IGLL5: variants seen among roughly 807,000 people sequenced by gnomAD.
IGLL5 encodes immunoglobulin lambda like polypeptide 5.
In IGLL5, 30 loss-of-function variants were observed where a neutral mutation model predicts 20.9. The observed-to-expected ratio is 1.44, with a 90% CI of 1.07 to 1.95. The LOEUF (loss-of-function observed/expected upper bound fraction) is 1.95. IGLL5 is among the 30% of genes most tolerant of loss of function. The pLI, the probability that IGLL5 is intolerant of heterozygous loss-of-function variation, is 0.00. For synonymous variants in IGLL5, 203 were observed against 117.3 expected (o/e 1.73, Z -4.72); for missense variants, 475 against 270.7 (o/e 1.75, Z -5.30).
chr22:22,888,623 T>C (rs2067623660), intron 1 of IGLL5, among the ~76,000 whole-genome samples: 3 of 151,276 alleles, frequency 2.0e-5, no homozygotes, highest in South Asian at 2.1e-4. Flanking sequence ...TGCCCAGGCC[T>C]GTTCCTCCCC....
rs1483262314 is a variant in IGLL5, at chr22:22,895,897, G to C, written c.*203G>C. On this transcript the variant is annotated 3_prime_UTR_variant, in exon 3 of 3. Coordinates refer to ENST00000526893, the MANE Select transcript of IGLL5 (RefSeq NM_001178126.2). ...TAGCCTCCCCGGGGTTCTCAGTGTGGGGTACAGGGAATTCTGCACCCAGTG... is the reference window on the plus strand; with the variant it reads ...TAGCCTCCCCGGGGTTCTCAGTGTGCGGTACAGGGAATTCTGCACCCAGTG... 7.9e-6 allele frequency: 5 copies of C among 634,448 alleles called. No individual in the cohort carries two copies. The highest frequency in any genetic ancestry group is 1.4e-5 in the Non-Finnish European group (5 of 357,730). 39.3% of individuals were successfully genotyped at this position (634,448 alleles called of 1,614,324 possible).
chr22:22,894,063 C>T lies in IGLL5; in HGVS notation c.325+245C>T, dbSNP rs551580542. Reference sequence around the variant, plus strand: ...GAGCTGGGATTGGGCAGGGTCAGGGCTCCTCCTCTCTTCCAGGGCAGATGT... The same window carrying T: ...GAGCTGGGATTGGGCAGGGTCAGGGTTCCTCCTCTCTTCCAGGGCAGATGT... On this transcript the variant is annotated intron_variant, in intron 2 of 2. Coordinates refer to ENST00000526893, the MANE Select transcript of IGLL5 (RefSeq NM_001178126.2). 7.3e-5 allele frequency among the ~76,000 whole-genome samples: 11 copies of T among 151,486 alleles called. No homozygotes were observed. The East Asian group carries it at 1.0e-3, about 14-fold the overall frequency.
At chr22:22,894,463 C>G (rs188266452) in intron 2 of IGLL5, among the ~76,000 whole-genome samples, 2 of 151,328 alleles carry the variant, frequency 1.3e-5, no homozygotes, top group Middle Eastern at 3.8e-3. Context: ...AGGACAGTCA[C>G]CAGAAAGGAG....
chr22:22,894,223 G>C (rs1240658346), intron 2 of IGLL5, among the ~76,000 whole-genome samples: 5 of 151,362 alleles, frequency 3.3e-5, no homozygotes, highest in East Asian at 2.0e-4. Flanking sequence ...TAGTCTAGGG[G>C]AGCAGCCCCA....
intron 2 of IGLL5, 72 bp from the exon 3 acceptor site, chr22:22,895,303 G>A: frequency 7.1e-7 from 1 of 1,414,600 alleles, no homozygotes; most frequent in Non-Finnish European, 9.8e-7. Context: ...AGAGACTTTA[G>A]ACAGAGAGAG....
chr22:22,889,131 A>G (rs2067689653), intron 1 of IGLL5, among the ~76,000 whole-genome samples: 2 of 151,132 alleles, frequency 1.3e-5, no homozygotes, highest in South Asian at 2.1e-4. Flanking sequence ...ACCGGATTGG[A>G]GGCTGATGCG....
At chr22:22,888,342 A>T (rs1304643240) in intron 1 of IGLL5, 83 bp downstream of exon 1, 1 of 1,331,600 alleles carries the variant, frequency 7.5e-7, no homozygotes, top group East Asian at 2.5e-5. Context: ...AAGCCAGAGG[A>T]GTGAGGAGGA....
rs777820448 is a variant in IGLL5 at position 22,893,830 on chromosome 22, T to G, written c.325+12T>G. On this transcript the variant is annotated intron_variant, in intron 2 of 2. Coordinates refer to ENST00000526893, the MANE Select transcript of IGLL5 (RefSeq NM_001178126.2). ...GGTCACCGTCCTAGGTAAGTGGCTC[T>G]CAACCTTTCCCAGCCTGTCTCACCC... is the stretch of plus-strand genomic sequence containing the variant. The G allele has an allele frequency of 1.9e-6, 3 of 1,552,840 alleles. No individual in the cohort carries two copies. The highest frequency in any genetic ancestry group is 1.8e-6 in the Non-Finnish European group (2 of 1,124,820).
At chr22:22,894,386 G>C (rs2068025156) in intron 2 of IGLL5, among the ~76,000 whole-genome samples, 1 of 151,400 alleles carries the variant, frequency 6.6e-6, no homozygotes, top group Admixed American at 6.6e-5. Flanking sequence ...CCTGTGCTGG[G>C]TCATGAGGAC....
chr22:22,892,199 C>T (rs946159844), intron 1 of IGLL5, among the ~76,000 whole-genome samples: 3 of 151,096 alleles, frequency 2.0e-5, no homozygotes, highest in Non-Finnish European at 4.4e-5. Flanking sequence ...TAAATGTTTG[C>T]TTTCTTTATA....
chr22:22,891,937 C>T (rs1331168939), intron 1 of IGLL5, among the ~76,000 whole-genome samples: 1 of 151,026 alleles, frequency 6.6e-6, no homozygotes, highest in Non-Finnish European at 1.5e-5. Context: ...GTTTAGTTAA[C>T]TATCACACCA....
At position 22,888,208 on chromosome 22, in the gene IGLL5, C is replaced by A; in HGVS notation, c.155C>A (p.Pro52His). Residue 52 changes from proline (P) to histidine (H), a missense_variant, in exon 1 of 3, where the codon CCT becomes CAT. Physicochemically the swap from Pro to His is moderately conservative, Grantham distance 77 (BLOSUM62 -2). Coordinates refer to ENST00000526893, the MANE Select transcript of IGLL5 (RefSeq NM_001178126.2). Reference sequence around the variant, plus strand: ...GCACCGCAAAGCGGGGACCCAGACCCTGGAGCCTCAGTTGGAAGCAGCCGA... The same window carrying A: ...GCACCGCAAAGCGGGGACCCAGACCATGGAGCCTCAGTTGGAAGCAGCCGA... ...MVAPQSGDPDPGASVGSSRSS... is the reference protein window; with the variant it reads ...MVAPQSGDPDHGASVGSSRSS... The A allele has an allele frequency of 6.5e-7, 1 of 1,548,634 alleles. No individual in the cohort carries two copies. Among genetic ancestry groups the A allele is most frequent in the Non-Finnish European group, 8.7e-7 (1 of 1,146,536 alleles).
intron 2 of IGLL5, among the ~76,000 whole-genome samples, chr22:22,894,932 A>G (rs2066709024): frequency 1.3e-5 from 2 of 151,482 alleles, no homozygotes; most frequent in South Asian, 2.1e-4. Context: ...GCCTGCCAGG[A>G]CAGTCCTACA....
intron 1 of IGLL5, 104 bp from the exon 2 acceptor site, chr22:22,893,596 A>G (rs1303007191): frequency 3.0e-6 from 2 of 659,710 alleles, no homozygotes; most frequent in East Asian, 5.5e-5. Context: ...TGCCTTGGAC[A>G]GCAGACAGGC....
At chr22:22,893,923 GC>G (rs2067949259) in intron 2 of IGLL5, 105 bp downstream of exon 2, 3 of 828,328 alleles carry the variant, frequency 3.6e-6, no homozygotes, top group Non-Finnish European at 4.2e-6. Flanking sequence ...CCAGCCTTAA[GC>G]ACTGACCCTT....
At chr22:22,888,541 C>G (rs909239186) in intron 1 of IGLL5, among the ~76,000 whole-genome samples, 1 of 151,408 alleles carries the variant, frequency 6.6e-6, no homozygotes, top group Admixed American at 6.6e-5. Flanking sequence ...TAGTCCTAGT[C>G]CTCTGGGTAG....
chr22:22,890,066 A>C (rs1601610895), intron 1 of IGLL5, among the ~76,000 whole-genome samples: 1 of 150,572 alleles, frequency 6.6e-6, no homozygotes, highest in African/African-American at 2.4e-5. Flanking sequence ...TTCTAATATA[A>C]TTTTTAATAC....
intron 2 of IGLL5, among the ~76,000 whole-genome samples, chr22:22,894,048 T>C (rs1601622992): frequency 2.6e-5 from 4 of 151,162 alleles, no homozygotes; most frequent in African/African-American, 4.9e-5. Flanking sequence ...GAGCTGGGAT[T>C]GGGCAGGGTC....
rs542252370 is a variant in IGLL5, at chr22:22,888,716, C to G, written c.206+457C>G. Among the ~76,000 whole-genome samples, 9 of 151,396 alleles carry G rather than the reference C, an allele frequency of 5.9e-5. No homozygotes were observed. The South Asian group carries it at 1.9e-3, about 32-fold the overall frequency. Reference sequence around the variant, plus strand: ...GAAGGCAGCAAGGGCTTGGTTTGGTCTCCCCCAAGGCTGTCTGTTCACCAA... The same window carrying G: ...GAAGGCAGCAAGGGCTTGGTTTGGTGTCCCCCAAGGCTGTCTGTTCACCAA... On this transcript the variant is annotated intron_variant, in intron 1 of 2. Coordinates refer to ENST00000526893, the MANE Select transcript of IGLL5 (RefSeq NM_001178126.2).
Sources: allele counts gnomAD v4.1 joint callset (sites outside exome capture counted in the v4.1 genomes callset), GRCh38; gene constraint gnomAD v4.1.1; transcripts MANE v1.5; gene names NCBI Gene and HGNC (gene_info 2026-07-23, HGNC 2026-07-21).